TRPV1: variants seen among roughly 807,000 people sequenced by gnomAD.
TRPV1 encodes the protein OTRPC1.
Under a neutral mutation model 82.3 loss-of-function variants are expected in TRPV1, and 82 were observed. The ratio of observed to expected loss-of-function variants is 1.00; its 90% CI spans 0.83 to 1.20. The LOEUF (loss-of-function observed/expected upper bound fraction) is 1.20, where lower values mean the gene tolerates loss of function less well. TRPV1 is among the 50% of genes most tolerant of loss of function. The pLI, the probability that TRPV1 is intolerant of heterozygous loss-of-function variation, is 0.00. For missense variants in TRPV1, 1,067 were observed against 1,096.8 expected (o/e 0.97, Z 0.38); for synonymous variants, 515 against 467.7 (o/e 1.10, Z -1.30).
intron 16 of TRPV1, among the ~76,000 whole-genome samples, chr17:3,567,785 A>G (rs1597506696): frequency 6.6e-6 from 1 of 152,108 alleles, no homozygotes; most frequent in South Asian, 2.1e-4. Context: ...CAAAAAAAAA[A>G]AAAAGAAAAA....
At chr17:3,573,583 C>T (rs2074888825) in intron 14 of TRPV1, 50 bp downstream of exon 14, 2 of 1,189,070 alleles carry the variant, frequency 1.7e-6, no homozygotes, top group Admixed American at 2.6e-5. Flanking sequence ...GCAGACAGAG[C>T]CGCCCACACT....
intron 2 of TRPV1, among the ~76,000 whole-genome samples, chr17:3,593,242 C>T (rs914630965): frequency 6.6e-6 from 1 of 152,068 alleles, no homozygotes; most frequent in Non-Finnish European, 1.5e-5. Flanking sequence ...CTCAGCCTCC[C>T]AAGTAGCTGG....
chr17:3,599,926 CT>C (rs1169112720), intron 2 of TRPV1, among the ~76,000 whole-genome samples: 2 of 152,292 alleles, frequency 1.3e-5, no homozygotes, highest in East Asian at 3.9e-4. Context: ...GCCCTCCTTC[CT>C]TTTTAAGGCT....
intron 7 of TRPV1, among the ~76,000 whole-genome samples, 177 bp from the exon 8 acceptor site, chr17:3,588,544 C>T (rs1018617666): frequency 6.6e-6 from 1 of 152,156 alleles, no homozygotes; most frequent in African/African-American, 2.4e-5. Context: ...ACGGGTGGCT[C>T]ATGCCTGTAA....
intron 2 of TRPV1, among the ~76,000 whole-genome samples, chr17:3,597,858 G>C (rs536233389): frequency 2.0e-5 from 3 of 152,050 alleles, no homozygotes; most frequent in Admixed American, 6.5e-5. Context: ...ATTTTTAGTA[G>C]AGTCAGGGTT....
At position 3,580,254 on chromosome 17, in the gene TRPV1, T is replaced by A. The variant is rs73319490; in HGVS notation, c.1547+203A>T. 5.2e-3 allele frequency among the ~76,000 whole-genome samples: 799 copies of A among 152,282 alleles called. 6 individuals carry two copies. The highest frequency in any genetic ancestry group is 0.018 in the African/African-American group (765 of 41,556). On this transcript the variant is annotated intron_variant, in intron 11 of 16. Coordinates refer to ENST00000572705, the MANE Select transcript of TRPV1 (RefSeq NM_080704.4). Reference sequence around the variant, plus strand: ...CACTCGGACTGTAAGTCACGGCAGTTTCTCGATCCCTGGCCCCTGGCACAG... The same window carrying A: ...CACTCGGACTGTAAGTCACGGCAGTATCTCGATCCCTGGCCCCTGGCACAG...
chr17:3,571,375 T>C (rs2074850407), intron 16 of TRPV1, 149 bp downstream of exon 16: 1 of 612,612 alleles, frequency 1.6e-6, no homozygotes, highest in South Asian at 1.9e-5. Flanking sequence ...CGTGACTATG[T>C]GCTCATGGCC....
In TRPV1 at chr17:3,580,473, A is replaced by G. The variant is rs1367883955; in HGVS notation, c.1531T>C (p.Tyr511His). ...PSMKTLFVDS[Y>H]SEMLFFLQSL... is the part of the protein sequence containing the mutation. ...GTCACTTACAAAAGCATCTCACTGT[A>G]GCTGTCCACAAACAGGGTCTTCATC... Residue 511 changes from tyrosine (Y) to histidine (H), a missense_variant, in exon 11 of 17, where the codon TAC (tyrosine) becomes CAC (histidine). Coordinates refer to ENST00000572705, the MANE Select transcript of TRPV1 (RefSeq NM_080704.4). 6.2e-7 allele frequency: 1 copy of G among 1,614,052 alleles called. No individual in the cohort carries two copies. Among genetic ancestry groups the G allele is most frequent in the Non-Finnish European group, 8.5e-7 (1 of 1,179,900 alleles).
chr17:3,583,283 T>C, intron 10 of TRPV1, 55 bp downstream of exon 10: 1 of 1,467,122 alleles, frequency 6.8e-7, no homozygotes, highest in South Asian at 1.2e-5. Flanking sequence ...AGGGATCTTC[T>C]TGGCTTTTTG....
At chr17:3,608,595 T>C (rs2075315531) in intron 1 of TRPV1, 30 bp from the exon 2 acceptor site, 1 of 152,188 alleles carries the variant, frequency 6.6e-6, no homozygotes. Context: ...AGGGAAAACT[T>C]GGGAACTGTT....
Position 3,590,975 on chromosome 17 carries a change from C to A in TRPV1, c.593G>T (p.Ser198Ile). The A allele has an allele frequency of 6.2e-7, 1 of 1,605,904 alleles. No homozygotes were observed. Among genetic ancestry groups the A allele is most frequent in the Non-Finnish European group, 8.5e-7 (1 of 1,177,060 alleles). The part of the protein sequence containing the change: ...KELVNASYTD[S>I]YYKGQTALHI... ...GCCGCCCTCCTCACCCTTGTAGTAG[C>A]TGTCCGTGTAGCTGGCGTTGACAAG... is the stretch of plus-strand genomic sequence containing the variant. Residue 198 changes from serine (S) to isoleucine (I), a missense_variant, in exon 5 of 17, where the codon AGC becomes ATC. Ser to Ile is a moderately radical substitution (Grantham distance 142, BLOSUM62 -2). Transcript: ENST00000572705.
chr17:3,594,152 AGAAGCAGCAGC>A (rs1387070930), intron 2 of TRPV1, among the ~76,000 whole-genome samples: 26 of 116,022 alleles, frequency 2.2e-4, no homozygotes, highest in African/African-American at 9.9e-4. Context: ...AAAAAAAAAA[AGAAGCAGCAGC>A]AGCAGCAGCA....
Position 3,590,312 on chromosome 17 carries a change from G to A in TRPV1, c.685C>T (p.Gln229Ter), listed in dbSNP as rs757613661. The A allele has an allele frequency of 2.5e-6, 4 of 1,614,022 alleles. No individual in the cohort carries two copies. In the South Asian group the frequency reaches 4.4e-5, roughly 18 times the overall value. Residue 229 changes from glutamine (Q) to a stop codon, truncating the protein, a stop_gained, in exon 6 of 17, where the codon CAG (glutamine) becomes TAG (stop). Transcript: ENST00000572705. LOFTEE classifies it high-confidence loss of function. Reference protein sequence around the residue: ...TLLVENGADVQAAAHGDFFKK... With the variant: ...TLLVENGADV ...AAGAAGTCCCCATGGGCCGCAGCCT[G>A]GACGTCTGCTCCGTTCTCCACCAGG...
chr17:3,566,637 C>T lies in TRPV1; in HGVS notation c.*178G>A. On this transcript the variant is annotated 3_prime_UTR_variant, in exon 17 of 17. Coordinates refer to ENST00000572705, the MANE Select transcript of TRPV1 (RefSeq NM_080704.4). The stretch of plus-strand genomic sequence containing the variant: ...GGGACAGTGACGGTTGGATGTACAT[C>T]ACTCCCCATGCTTCCAAGAACGCTT... 1.5e-6 allele frequency: 1 copy of T among 658,644 alleles called. No homozygotes were observed. The highest frequency in any genetic ancestry group is 2.5e-6 in the Non-Finnish European group (1 of 405,182). 40.8% of individuals were successfully genotyped at this position (658,644 alleles called of 1,614,324 possible).
chr17:3,581,955 C>T lies in TRPV1; in HGVS notation c.1476+1383G>A, dbSNP rs1454792722. Reference sequence around the variant, plus strand: ...CCTGTAATCCCAGCACTTTGGGAGGCCAAGGTGGGCGGATCACGAGGTCAG... The same window carrying T: ...CCTGTAATCCCAGCACTTTGGGAGGTCAAGGTGGGCGGATCACGAGGTCAG... On this transcript the variant is annotated intron_variant, in intron 10 of 16. Coordinates refer to ENST00000572705, the MANE Select transcript of TRPV1 (RefSeq NM_080704.4). Among the ~76,000 whole-genome samples the T allele has an allele frequency of 6.4e-4, 94 of 147,346 alleles. 1 individual carries two copies. The highest frequency in any genetic ancestry group is 1.2e-3 in the Non-Finnish European group (81 of 67,106).
intron 13 of TRPV1, among the ~76,000 whole-genome samples, chr17:3,576,889 C>A (rs1385242766): frequency 6.6e-6 from 1 of 150,692 alleles, no homozygotes. Flanking sequence ...AACAACTGAG[C>A]CAAAATGCTA....
At chr17:3,576,427 C>T (rs1178456002) in intron 13 of TRPV1, among the ~76,000 whole-genome samples, 6 of 151,130 alleles carry the variant, frequency 4.0e-5, no homozygotes, top group East Asian at 3.9e-4. Flanking sequence ...CCGAGGCAGG[C>T]GGATCACGAG....
chr17:3,567,858 G>A (rs778681594), intron 16 of TRPV1, among the ~76,000 whole-genome samples: 66 of 152,104 alleles, frequency 4.3e-4, no homozygotes, highest in Non-Finnish European at 7.6e-4. Context: ...GTTAACATGG[G>A]TGTGTATACC....
intron 13 of TRPV1, among the ~76,000 whole-genome samples, chr17:3,575,328 T>C (rs966121236): frequency 6.6e-6 from 1 of 151,816 alleles, no homozygotes; most frequent in African/African-American, 2.4e-5. Context: ...ACTAAAAATA[T>C]AAAAATTAGC....
Sources: gnomAD v4.1 joint callset for allele counts (sites outside exome capture counted in the v4.1 genomes callset) on GRCh38, gnomAD v4.1.1 for gene constraint, MANE v1.5 for transcripts, NCBI Gene and HGNC (gene_info 2026-07-23, HGNC 2026-07-21) for gene names.